Variants in BICC1 observed in about 807,000 individuals in gnomAD.
The protein encoded by BICC1 is protein bicaudal C homolog 1.
BICC1 carries 43 observed loss-of-function variants against 111.0 expected under a neutral mutation model. The observed-to-expected ratio is 0.39, with a 90% CI of 0.30 to 0.50. BICC1 has a LOEUF of 0.50. Among genes scored for constraint, BICC1 ranks in the 20% least tolerant of loss-of-function variants. BICC1 has a pLI of 0.88. For synonymous variants in BICC1, 467 were observed against 434.4 expected (o/e 1.07, Z -0.93); for missense variants, 1,091 against 1,203.2 (o/e 0.91, Z 1.38).
chr10:58,810,014 C>T (rs867701274), intron 17 of BICC1, among the ~76,000 whole-genome samples: 13 of 152,322 alleles, frequency 8.5e-5, no homozygotes, highest in Admixed American at 2.0e-4. Flanking sequence ...GGATCTCACT[C>T]AAAAGGTAGG....
chr10:58,806,928 A>G, intron 16 of BICC1, 76 bp from the exon 17 acceptor site: 1 of 1,342,418 alleles, frequency 7.4e-7, no homozygotes, highest in Admixed American at 2.3e-5. Flanking sequence ...TATCAAAGAA[A>G]CGACACTTAT....
At chr10:58,756,626 C>CA (rs1440985570) in intron 3 of BICC1, among the ~76,000 whole-genome samples, 6 of 135,890 alleles carry the variant, frequency 4.4e-5, no homozygotes, top group Non-Finnish European at 9.4e-5. Context: ...AACTACTAGC[C>CA]TTTTTTTTTT....
intron 1 of BICC1, among the ~76,000 whole-genome samples, chr10:58,516,235 T>C (rs1842238122): frequency 6.6e-6 from 1 of 152,146 alleles, no homozygotes; most frequent in Admixed American, 6.5e-5. Context: ...AGAGTGCAAA[T>C]TGGTGATTAT....
At chr10:58,796,645 G>T in intron 10 of BICC1, 119 bp downstream of exon 10, 1 of 968,864 alleles carries the variant, frequency 1.0e-6, no homozygotes, top group Non-Finnish European at 1.5e-6. Flanking sequence ...TGGGCTCTAA[G>T]ATCAGATGAA....
chr10:58,689,711 G>T (rs1289021719), intron 2 of BICC1, among the ~76,000 whole-genome samples: 3 of 152,202 alleles, frequency 2.0e-5, no homozygotes, highest in African/African-American at 4.8e-5. Context: ...CAAACATTCA[G>T]TCCACTGATT....
intron 18 of BICC1, 61 bp from the exon 19 acceptor site, chr10:58,817,501 A>C (rs1350864757): frequency 1.3e-5 from 20 of 1,583,970 alleles, no homozygotes; most frequent in African/African-American, 5.4e-5. Flanking sequence ...TAAAACTTTT[A>C]ATTAAACCAT....
chr10:58,761,478 G>A (rs775417592), intron 3 of BICC1, among the ~76,000 whole-genome samples: 1 of 152,048 alleles, frequency 6.6e-6, no homozygotes, highest in Admixed American at 6.6e-5. Flanking sequence ...TTTTAGAGAT[G>A]GTTTATTGTG....
intron 2 of BICC1, among the ~76,000 whole-genome samples, chr10:58,691,447 G>A (rs1475939474): frequency 2.6e-5 from 4 of 152,126 alleles, no homozygotes; most frequent in Admixed American, 2.6e-4. Flanking sequence ...CCCAAGACCT[G>A]TTCTTCACTA....
intron 5 of BICC1, 43 bp downstream of exon 5, chr10:58,787,124 G>A: frequency 6.8e-7 from 1 of 1,476,826 alleles, no homozygotes; most frequent in Non-Finnish European, 9.0e-7. Flanking sequence ...ATGAATTACA[G>A]CCTTAATTTA....
intron 2 of BICC1, among the ~76,000 whole-genome samples, chr10:58,625,168 AATGGAAACAC>A (rs752049933): frequency 6.6e-6 from 1 of 152,200 alleles, no homozygotes; most frequent in Non-Finnish European, 1.5e-5. Flanking sequence ...AGCTCTATCT[AATGGAAACAC>A]ATGGAAACAA....
rs117271381 is a variant in BICC1, at chr10:58,813,716, C to T, written c.2377-114C>T. 869 of 1,073,808 alleles carry T rather than the reference C, an allele frequency of 8.1e-4. 18 individuals are homozygous for T. The East Asian group carries it at 0.018, about 22-fold the overall frequency. 66.5% of individuals were successfully genotyped at this position (1,073,808 alleles called of 1,614,324 possible). A position where few individuals can be genotyped will look rare whatever the true frequency, so the allele number is the denominator to read the frequency against. ...GAGAGTCAACACTCATGAGTAACTGCGGTGGTTGGCAAGAGAAGTAAACGG... is the reference window on the plus strand; with the variant it reads ...GAGAGTCAACACTCATGAGTAACTGTGGTGGTTGGCAAGAGAAGTAAACGG... On this transcript the variant is annotated intron_variant, in intron 17 of 20. Transcript: ENST00000373886.
intron 3 of BICC1, among the ~76,000 whole-genome samples, chr10:58,755,330 G>A (rs1564595071): frequency 1.3e-5 from 2 of 152,288 alleles, no homozygotes; most frequent in East Asian, 3.9e-4. Context: ...TAGGGGAAAG[G>A]CTACAGCTTC....
intron 2 of BICC1, among the ~76,000 whole-genome samples, chr10:58,684,069 G>C (rs1246026015): frequency 6.6e-6 from 1 of 152,210 alleles, no homozygotes; most frequent in Non-Finnish European, 1.5e-5. Context: ...AGTTTATTGA[G>C]AGTTTTTAGC....
At chr10:58,637,866 A>G (rs918501480) in intron 2 of BICC1, among the ~76,000 whole-genome samples, 1 of 152,180 alleles carries the variant, frequency 6.6e-6, no homozygotes, top group Non-Finnish European at 1.5e-5. Context: ...GAGGGGATCT[A>G]GTAACTAAGC....
chr10:58,533,068 TAAAAA>T (rs1842723415), intron 1 of BICC1, among the ~76,000 whole-genome samples: 1 of 145,912 alleles, frequency 6.9e-6, no homozygotes, highest in South Asian at 2.2e-4. Context: ...AAAAGAAAAA[TAAAAA>T]AGAAAATAAC....
At chr10:58,767,034 A>G (rs1017472707) in intron 3 of BICC1, among the ~76,000 whole-genome samples, 1 of 152,192 alleles carries the variant, frequency 6.6e-6, no homozygotes, top group Non-Finnish European at 1.5e-5. Context: ...AGACTCCATT[A>G]GGAGGCCTGC....
intron 3 of BICC1, among the ~76,000 whole-genome samples, chr10:58,725,167 A>T (rs539597783): frequency 6.6e-6 from 1 of 152,304 alleles, no homozygotes; most frequent in East Asian, 1.9e-4. Flanking sequence ...GCATAATAAC[A>T]TGCACAGAAT....
At chr10:58,638,254 T>G (rs1838009588) in intron 2 of BICC1, among the ~76,000 whole-genome samples, 1 of 152,124 alleles carries the variant, frequency 6.6e-6, no homozygotes, top group Non-Finnish European at 1.5e-5. Context: ...AGGAGTTTTC[T>G]TATTCATCTC....
intron 2 of BICC1, among the ~76,000 whole-genome samples, chr10:58,649,893 C>G (rs139582090): frequency 1.4e-4 from 22 of 152,178 alleles, no homozygotes; most frequent in Non-Finnish European, 2.5e-4. Context: ...CATGCTATCA[C>G]TACCACATTG....
Sources: allele counts gnomAD v4.1 joint callset (sites outside exome capture counted in the v4.1 genomes callset), GRCh38; gene constraint gnomAD v4.1.1; transcripts MANE v1.5; gene names NCBI Gene and HGNC (gene_info 2026-07-23, HGNC 2026-07-21).